Variants in BTNL8 observed in about 807,000 individuals in gnomAD.
The protein encoded by BTNL8 is butyrophilin-like protein 8.
BTNL8 carries 22 observed loss-of-function variants against 36.1 expected under a neutral mutation model. The ratio of observed to expected loss-of-function variants is 0.61; its 90% CI spans 0.44 to 0.87. The LOEUF is 0.87. Ranked by LOEUF, BTNL8 falls within the 40% of genes least tolerant of loss-of-function variation. The probability of loss-of-function intolerance (pLI) is 0.00; values close to 1 mark genes in which losing one functional copy is unlikely to be tolerated. For missense variants in BTNL8, 526 were observed against 616.9 expected (o/e 0.85, Z 1.56); for synonymous variants, 203 against 235.6 (o/e 0.86, Z 1.27).
chr5:180,949,682 C>T (rs564521034), intron 7 of BTNL8: 16 of 606,072 alleles, frequency 2.6e-5, no homozygotes, highest in South Asian at 1.6e-4. Context: ...GGTGATATGC[C>T]GAGATTGGGA....
At chr5:180,902,839 A>G (rs1444855348) in intron 1 of BTNL8, among the ~76,000 whole-genome samples, 1 of 136,988 alleles carries the variant, frequency 7.3e-6, no homozygotes, top group African/African-American at 3.1e-5. Context: ...CCATGTCCCT[A>G]CAAAGGACAT....
At position 180,899,179 on chromosome 5, in the gene BTNL8, C is replaced by T. The variant is rs1451991457; in HGVS notation, c.-132C>T. ...CTCTCAGAACAGCGCAGTTTGCCCT[C>T]CGCTCACGCAGAGCCTCTCCGTGGC... On this transcript the variant is annotated 5_prime_UTR_variant, in exon 1 of 8. Coordinates refer to ENST00000340184, the MANE Select transcript of BTNL8 (RefSeq NM_001040462.3). The T allele has an allele frequency of 9.8e-6, 10 of 1,018,968 alleles. No homozygotes were observed. Among genetic ancestry groups the T allele is most frequent in the Non-Finnish European group, 1.5e-5 (10 of 661,798 alleles). The allele number at this position is 1,018,968 out of a possible 1,614,324, so 63.1% of individuals were successfully genotyped here.
chr5:180,908,865 G>A lies in BTNL8; in HGVS notation c.329G>A (p.Gly110Asp). 1 of 1,614,192 alleles carries A rather than the reference G, an allele frequency of 6.2e-7. No individual in the cohort carries two copies. The highest frequency in any genetic ancestry group is 1.1e-5 in the South Asian group (1 of 91,086). Residue 110 changes from glycine to aspartate, a missense_variant, in exon 2 of 8, where the codon GGC (glycine) becomes GAC (aspartate). By Grantham distance (94) the Gly-to-Asp change is moderately conservative (BLOSUM62 -1). Coordinates refer to ENST00000340184, the MANE Select transcript of BTNL8 (RefSeq NM_001040462.3). The stretch of plus-strand genomic sequence containing the variant: ...GAAAACATTACTGTGTTGGATGCTG[G>A]CCTCTATGGGTGCAGGATTAGTTCC... ...RLENITVLDA[G>D]LYGCRISSQS...
At chr5:180,914,281 G>A (rs986844236) in intron 3 of BTNL8, among the ~76,000 whole-genome samples, 9 of 152,148 alleles carry the variant, frequency 5.9e-5, no homozygotes, top group African/African-American at 1.9e-4. Context: ...AGTGTTCATC[G>A]CCTTCAGGGG....
At chr5:180,915,568 G>C (rs536982827) in intron 3 of BTNL8, among the ~76,000 whole-genome samples, 14 of 152,354 alleles carry the variant, frequency 9.2e-5, no homozygotes, top group African/African-American at 3.1e-4. Context: ...AGAGTATCTA[G>C]CCAGGCTGAC....
chr5:180,934,130 G>C (rs1207935563), intron 3 of BTNL8, among the ~76,000 whole-genome samples: 1 of 152,040 alleles, frequency 6.6e-6, no homozygotes, highest in African/African-American at 2.4e-5. Context: ...ATGCAAGGAT[G>C]GTTCAATATA....
In BTNL8 at chr5:180,908,892, A is replaced by C. The variant is rs756910889; in HGVS notation, c.356A>C (p.Gln119Pro). ...AGLYGCRISS[Q>P]SYYQKAIWEL... is the part of the protein sequence containing the mutation. ...CTCTATGGGTGCAGGATTAGTTCCC[A>C]GTCTTACTACCAGAAGGCCATCTGG... The change falls in exon 2 of 8, where the codon CAG becomes CCG. Residue 119 changes from glutamine (Q) to proline (P), a missense_variant. Physicochemically the swap from Gln to Pro is moderately conservative, Grantham distance 76. Coordinates refer to ENST00000340184, the MANE Select transcript of BTNL8 (RefSeq NM_001040462.3). The C allele has an allele frequency of 6.2e-7, 1 of 1,613,962 alleles. No homozygotes were observed. The highest frequency in any genetic ancestry group is 1.1e-5 in the South Asian group (1 of 91,082).
At chr5:180,915,420 G>A (rs1175464077) in intron 3 of BTNL8, among the ~76,000 whole-genome samples, 4 of 152,216 alleles carry the variant, frequency 2.6e-5, no homozygotes, top group Non-Finnish European at 4.4e-5. Flanking sequence ...ATTGCCCTAG[G>A]GATAAATAAA....
chr5:180,947,716 T>C, intron 4 of BTNL8, 91 bp downstream of exon 4: 1 of 1,614,242 alleles, frequency 6.2e-7, no homozygotes, highest in African/African-American at 1.3e-5. Flanking sequence ...GCTGCTTCTC[T>C]TCTTCTAGTC....
chr5:180,912,914 G>A (rs1757471309), intron 3 of BTNL8, among the ~76,000 whole-genome samples: 1 of 152,108 alleles, frequency 6.6e-6, no homozygotes. Context: ...AATATGAGCG[G>A]AGGAATTTGA....
intron 1 of BTNL8, among the ~76,000 whole-genome samples, chr5:180,906,150 G>A (rs1757073796): frequency 6.9e-6 from 1 of 145,462 alleles, no homozygotes; most frequent in African/African-American, 2.7e-5. Context: ...TTAATGTGTG[G>A]GAGTCTAAGT....
intron 1 of BTNL8, among the ~76,000 whole-genome samples, chr5:180,907,773 C>A (rs950571072): frequency 1.3e-5 from 2 of 151,924 alleles, no homozygotes; most frequent in African/African-American, 4.8e-5. Flanking sequence ...TTGGAGTACC[C>A]TGCCGTGTGA....
intron 3 of BTNL8, among the ~76,000 whole-genome samples, chr5:180,930,517 A>G (rs1174412041): frequency 6.6e-6 from 1 of 152,180 alleles, no homozygotes; most frequent in African/African-American, 2.4e-5. Flanking sequence ...AGGAAGTCAA[A>G]TTGTCTCTGT....
intron 3 of BTNL8, among the ~76,000 whole-genome samples, chr5:180,914,590 A>T (rs763827981): frequency 4.6e-5 from 7 of 152,234 alleles, no homozygotes; most frequent in Non-Finnish European, 7.4e-5. Flanking sequence ...CTAAGTGGTC[A>T]TTGAAAAAGT....
At chr5:180,918,629 C>G (rs1164035033) in intron 3 of BTNL8, among the ~76,000 whole-genome samples, 1 of 152,160 alleles carries the variant, frequency 6.6e-6, no homozygotes, top group African/African-American at 2.4e-5. Flanking sequence ...TCAACAAGTC[C>G]TGAGAACATG....
chr5:180,919,615 C>T (rs1261134654), intron 3 of BTNL8, among the ~76,000 whole-genome samples: 4 of 152,134 alleles, frequency 2.6e-5, no homozygotes, highest in African/African-American at 9.7e-5. Flanking sequence ...ACATAAATGT[C>T]TCTGTTTGGA....
At position 180,908,636 on chromosome 5, in the gene BTNL8, G is replaced by A; in HGVS notation, c.100G>A (p.Glu34Lys). The A allele has an allele frequency of 1.2e-6, 2 of 1,614,234 alleles. No homozygotes were observed. The highest frequency in any genetic ancestry group is 8.5e-7 in the Non-Finnish European group (1 of 1,180,030). Reference sequence around the variant, plus strand: ...CAAGCCTGTCCAGGCCTTGGTGGGGGAGGACGCAGCATTCTCCTGTTTCCT... The same window carrying A: ...CAAGCCTGTCCAGGCCTTGGTGGGGAAGGACGCAGCATTCTCCTGTTTCCT... ...PDKPVQALVG[E>K]DAAFSCFLSP... The change falls in exon 2 of 8, where the codon GAG (glutamate) becomes AAG (lysine). Residue 34 changes from glutamate (E) to lysine (K), a missense_variant. Glu to Lys is a moderately conservative substitution (Grantham distance 56). Transcript: ENST00000340184.
intron 1 of BTNL8, 132 bp downstream of exon 1, chr5:180,899,491 GA>G: frequency 9.8e-7 from 1 of 1,021,820 alleles, no homozygotes; most frequent in Non-Finnish European, 1.5e-6. Context: ...TCAGCCTGGG[GA>G]AGGATCAGGC....
chr5:180,915,506 G>C (rs4701004), intron 3 of BTNL8, among the ~76,000 whole-genome samples: 68,327 of 152,082 alleles, frequency 0.45, 16,446 homozygotes, highest in African/African-American at 0.63. Context: ...CACCAAGAAG[G>C]AACGAGAAAA....
Sources: gnomAD v4.1 joint callset for allele counts (sites outside exome capture counted in the v4.1 genomes callset) on GRCh38, gnomAD v4.1.1 for gene constraint, MANE v1.5 for transcripts, NCBI Gene and HGNC (gene_info 2026-07-23, HGNC 2026-07-21) for gene names.